Variants in CNTN6 observed in about 807,000 individuals in gnomAD.
CNTN6 encodes the protein contactin-6.
A neutral mutation model predicts 122.8 loss-of-function variants in CNTN6; 137 were observed. The observed-to-expected ratio is 1.12, with a 90% CI of 0.97 to 1.29. The LOEUF (loss-of-function observed/expected upper bound fraction) is 1.29. Among genes scored for constraint, CNTN6 ranks in the 50% most tolerant of loss-of-function variants. The probability of loss-of-function intolerance (pLI) is 0.00; values close to 1 mark genes in which losing one functional copy is unlikely to be tolerated. For missense variants in CNTN6, 1,634 were observed against 1,223.4 expected (o/e 1.34, Z -5.01); for synonymous variants, 570 against 426.0 (o/e 1.34, Z -4.16).
intron 11 of CNTN6, among the ~76,000 whole-genome samples, chr3:1,350,586 C>G (rs369008812): frequency 9.1e-4 from 138 of 151,902 alleles, no homozygotes; most frequent in African/African-American, 3.0e-3. Context: ...CATTGAAGAC[C>G]TACTGAGCCT....
intron 2 of CNTN6, among the ~76,000 whole-genome samples, chr3:1,170,871 C>A (rs1051713823): frequency 6.6e-6 from 1 of 152,186 alleles, no homozygotes; most frequent in African/African-American, 2.4e-5. Context: ...TAGCATCTAT[C>A]TCTTTACCTT....
chr3:1,262,998 G>A (rs932755153), intron 4 of CNTN6, among the ~76,000 whole-genome samples: 1 of 152,046 alleles, frequency 6.6e-6, no homozygotes, highest in African/African-American at 2.4e-5. Context: ...CTTTGTAAGA[G>A]TTATAAGTTA....
chr3:1,325,940 C>G lies in CNTN6; in HGVS notation c.1072C>G (p.Leu358Val), dbSNP rs772822431. ...TACATGGTTAAAAAATGGTGAACGA[C>G]TCAACCCAGAGGTAAGCAACTATGT... The part of the protein sequence containing the change: ...WYTWLKNGER[L>V]NPEERIQIEN... The change falls in exon 9 of 23, where the codon CTC becomes GTC. Residue 358 changes from leucine to valine, a missense_variant. Leu to Val is a conservative substitution (Grantham distance 32, BLOSUM62 1). Transcript: ENST00000446702. 1 of 1,610,728 alleles carries G rather than the reference C, an allele frequency of 6.2e-7. No individual in the cohort carries two copies. The highest frequency in any genetic ancestry group is 8.5e-7 in the Non-Finnish European group (1 of 1,178,180).
chr3:1,316,858 T>C (rs1700165096), intron 7 of CNTN6, among the ~76,000 whole-genome samples: 3 of 151,990 alleles, frequency 2.0e-5, no homozygotes, highest in Admixed American at 6.6e-5. Context: ...CCATTTAGGA[T>C]GGCTTCAGAA....
intron 5 of CNTN6, among the ~76,000 whole-genome samples, chr3:1,284,553 T>C: frequency 6.6e-6 from 1 of 152,200 alleles, no homozygotes; most frequent in East Asian, 1.9e-4. Flanking sequence ...AAATATTTAT[T>C]ATGTAGTTAC....
At position 1,383,103 on chromosome 3, in the gene CNTN6, C is replaced by CAA; in HGVS notation, c.2330_2331dup (p.Val778LysfsTer13). Reference sequence around the variant, plus strand: ...TCATCCCACTGTCTCCCTTTGAAGTCAAAGTGGGTGTGTATAATAATGAAG... The same window carrying CAA: ...TCATCCCACTGTCTCCCTTTGAAGTCAAAAAGTGGGTGTGTATAATAATGAAG... On this transcript the variant is annotated frameshift_variant, in exon 18 of 23. Coordinates refer to ENST00000446702, the MANE Select transcript of CNTN6 (RefSeq NM_001289080.2). LOFTEE classifies it high-confidence loss of function. The CAA allele has an allele frequency of 1.9e-6, 3 of 1,614,012 alleles. No homozygotes were observed. Among genetic ancestry groups the CAA allele is most frequent in the East Asian group, 2.2e-5 (1 of 44,872 alleles).
intron 1 of CNTN6, among the ~76,000 whole-genome samples, chr3:1,102,218 A>C (rs963001581): frequency 7.2e-5 from 11 of 152,148 alleles, no homozygotes. Context: ...TGTATGTCTA[A>C]TGTGGTTGTG....
At chr3:1,249,621 C>T (rs1276620710) in intron 4 of CNTN6, among the ~76,000 whole-genome samples, 1 of 152,160 alleles carries the variant, frequency 6.6e-6, no homozygotes, top group East Asian at 1.9e-4. Context: ...AGGTGTTTTT[C>T]CTCCTTTTTG....
chr3:1,279,955 A>G (rs541140306), intron 5 of CNTN6, among the ~76,000 whole-genome samples: 1 of 152,324 alleles, frequency 6.6e-6, no homozygotes, highest in African/African-American at 2.4e-5. Flanking sequence ...TTGAGATAAA[A>G]TAATATTGTT....
At chr3:1,266,112 A>G (rs2094922342) in intron 4 of CNTN6, among the ~76,000 whole-genome samples, 1 of 151,914 alleles carries the variant, frequency 6.6e-6, no homozygotes, top group Non-Finnish European at 1.5e-5. Flanking sequence ...CTTATCTCTC[A>G]GGGTTACTAT....
chr3:1,141,665 G>A (rs1361536058), intron 1 of CNTN6, among the ~76,000 whole-genome samples: 1 of 152,120 alleles, frequency 6.6e-6, no homozygotes, highest in Non-Finnish European at 1.5e-5. Context: ...ATGTATTAAT[G>A]CACATAATTC....
intron 11 of CNTN6, among the ~76,000 whole-genome samples, chr3:1,330,490 C>CA (rs978314976): frequency 1.3e-5 from 2 of 150,000 alleles, no homozygotes; most frequent in African/African-American, 4.9e-5. Context: ...AACAAACAAA[C>CA]AAAAAAAAAG....
At chr3:1,186,890 T>C (rs1005474338) in intron 2 of CNTN6, among the ~76,000 whole-genome samples, 3 of 151,976 alleles carry the variant, frequency 2.0e-5, no homozygotes, top group Non-Finnish European at 4.4e-5. Context: ...GTATGATTCC[T>C]TTCCCTTCCC....
intron 8 of CNTN6, among the ~76,000 whole-genome samples, chr3:1,324,718 C>T (rs1371666695): frequency 6.7e-6 from 1 of 149,342 alleles, no homozygotes; most frequent in Non-Finnish European, 1.5e-5. Context: ...TTTTCCTTCC[C>T]GGTGACTACC....
intron 20 of CNTN6, among the ~76,000 whole-genome samples, chr3:1,393,485 C>T (rs370493553): frequency 2.8e-5 from 4 of 143,116 alleles, no homozygotes; most frequent in Non-Finnish European, 4.5e-5. Flanking sequence ...TGCAGCGCAC[C>T]AGCATGGCAC....
intron 1 of CNTN6, among the ~76,000 whole-genome samples, chr3:1,122,765 G>A (rs574309083): frequency 3.2e-4 from 49 of 151,728 alleles, no homozygotes; most frequent in Admixed American, 4.6e-4. Context: ...TCTACGTTTC[G>A]GCGTGTGTCA....
At chr3:1,163,988 G>A in intron 2 of CNTN6, among the ~76,000 whole-genome samples, 1 of 152,192 alleles carries the variant, frequency 6.6e-6, no homozygotes, top group East Asian at 1.9e-4. Flanking sequence ...AACCTTGGCT[G>A]AGCTAGAACT....
chr3:1,392,314 C>T (rs1257632636), intron 20 of CNTN6, among the ~76,000 whole-genome samples: 1 of 152,048 alleles, frequency 6.6e-6, no homozygotes, highest in African/African-American at 2.4e-5. Flanking sequence ...GAAAGGATTC[C>T]CTATTTAATA....
intron 7 of CNTN6, among the ~76,000 whole-genome samples, chr3:1,319,511 T>C (rs1302607377): frequency 1.3e-5 from 2 of 151,590 alleles, no homozygotes; most frequent in Non-Finnish European, 3.0e-5. Context: ...TTCAGTTACT[T>C]AGGTATTTAG....
Sources: allele counts gnomAD v4.1 joint callset (sites outside exome capture counted in the v4.1 genomes callset), GRCh38; gene constraint gnomAD v4.1.1; transcripts MANE v1.5; gene names NCBI Gene and HGNC (gene_info 2026-07-23, HGNC 2026-07-21).